The following CPS1 variants were observed in gnomAD, a reference collection of about 807,000 sequenced individuals.
CPS1 encodes the protein carbamoyl-phosphate synthase [ammonia], mitochondrial.
CPS1 carries 109 observed loss-of-function variants against 174.6 expected under a neutral mutation model. That is an observed-to-expected ratio of 0.62 (90% CI 0.53 to 0.73). CPS1 has a LOEUF of 0.73. Ranked by LOEUF, CPS1 falls within the 30% of genes least tolerant of loss-of-function variation. The pLI, the probability that CPS1 is intolerant of heterozygous loss-of-function variation, is 0.00. For synonymous variants in CPS1, 637 were observed against 632.0 expected (o/e 1.01, Z -0.12); for missense variants, 1,689 against 1,821.9 (o/e 0.93, Z 1.33).
At chr2:210,635,452 G>A (rs1700014842) in intron 21 of CPS1, among the ~76,000 whole-genome samples, 1 of 152,182 alleles carries the variant, frequency 6.6e-6, no homozygotes, top group Non-Finnish European at 1.5e-5. Flanking sequence ...AAATTTCTGT[G>A]ATGATGAAAT....
At chr2:210,645,580 A>T (rs1486302251) in intron 25 of CPS1, among the ~76,000 whole-genome samples, 1 of 152,104 alleles carries the variant, frequency 6.6e-6, no homozygotes, top group Non-Finnish European at 1.5e-5. Context: ...AGATCACTTG[A>T]GGCCAGGAGT....
intron 1 of CPS1, among the ~76,000 whole-genome samples, chr2:210,494,422 C>T (rs1694940822): frequency 6.6e-6 from 1 of 152,118 alleles, no homozygotes; most frequent in South Asian, 2.1e-4. Flanking sequence ...CAAAGTTTTA[C>T]AGAACTTGTC....
rs1395096456 is a variant in CPS1 at position 210,612,126 on chromosome 2, A to T, written c.2401A>T (p.Ile801Phe). The stretch of plus-strand genomic sequence containing the variant: ...TAAACATGTATTACAGGTCATGGCT[A>T]TTGGTCGTACCTTTGAGGAGAGTTT... ...SMKSVGEVMA[I>F]GRTFEESFQK... The change falls in exon 20 of 38, where the codon ATT becomes TTT. Residue 801 changes from isoleucine (I) to phenylalanine (F), a missense_variant. Ile to Phe is a conservative substitution (Grantham distance 21, BLOSUM62 0). Coordinates refer to ENST00000233072, the MANE Select transcript of CPS1 (RefSeq NM_001875.5). 2.5e-6 allele frequency: 4 copies of T among 1,611,846 alleles called. No individual in the cohort carries two copies. Among genetic ancestry groups the T allele is most frequent in the Non-Finnish European group, 3.4e-6 (4 of 1,178,606 alleles).
chr2:210,601,403 G>A (rs1574576303), intron 15 of CPS1, among the ~76,000 whole-genome samples: 1 of 151,956 alleles, frequency 6.6e-6, no homozygotes, highest in Non-Finnish European at 1.5e-5. Flanking sequence ...TAGGAATAAA[G>A]CAGGTACTGC....
Position 210,612,825 on chromosome 2 carries a change from G to C in CPS1, c.2568+532G>C, listed in dbSNP as rs534217422. ...GGGTTTTCCATGTAATTATTTTATT[G>C]GTCTTACTTTCAGGAAAAAAGGCCC... On this transcript the variant is annotated intron_variant, in intron 20 of 37. Coordinates refer to ENST00000233072, the MANE Select transcript of CPS1 (RefSeq NM_001875.5). Among the ~76,000 whole-genome samples the C allele has an allele frequency of 1.2e-4, 18 of 151,900 alleles. No homozygotes were observed. In the South Asian group the frequency reaches 3.7e-3, roughly 32 times the overall value.
intron 1 of CPS1, among the ~76,000 whole-genome samples, chr2:210,550,170 T>A (rs904255943): frequency 6.6e-6 from 1 of 151,970 alleles, no homozygotes; most frequent in African/African-American, 2.4e-5. Flanking sequence ...ACCAGAGAAG[T>A]TGTGGTTACT....
At chr2:210,577,545 A>C (rs1450584174) in intron 4 of CPS1, 35 bp downstream of exon 4, 1 of 1,495,086 alleles carries the variant, frequency 6.7e-7, no homozygotes, top group Admixed American at 1.7e-5. Context: ...TCATCACCTA[A>C]GGAAGGTTGA....
In CPS1 at chr2:210,512,616, C is replaced by T. The variant is rs565543110; in HGVS notation, c.3+34850C>T. 6.0e-5 allele frequency among the ~76,000 whole-genome samples: 9 copies of T among 150,306 alleles called. No individual in the cohort carries two copies. In the South Asian group the frequency reaches 1.3e-3, roughly 21 times the overall value. On this transcript the variant is annotated intron_variant, in intron 1 of 38. Transcript: ENST00000430249. ...TTGTTCAATCTACCATTAATGGGCA[C>T]CTAGGTTGATTCCATATCTTTGCTA...
chr2:210,587,944 A>T, intron 6 of CPS1, 114 bp from the exon 7 acceptor site: 1 of 932,628 alleles, frequency 1.1e-6, no homozygotes, highest in African/African-American at 1.6e-5. Flanking sequence ...CCTAGTAGTT[A>T]ACAATCAATC....
At chr2:210,658,761 ATCT>A (rs1338272359) in intron 31 of CPS1, 73 bp downstream of exon 31, 6 of 1,123,304 alleles carry the variant, frequency 5.3e-6, no homozygotes, top group African/African-American at 4.6e-5. Context: ...CTCTCTGGTA[ATCT>A]TCTCTGTGAA....
intron 1 of CPS1, among the ~76,000 whole-genome samples, chr2:210,560,662 GA>G (rs1211415077): frequency 6.6e-6 from 1 of 152,088 alleles, no homozygotes; most frequent in Non-Finnish European, 1.5e-5. Context: ...TTTTCACATA[GA>G]AGTATCTATT....
At chr2:210,677,797 G>T in intron 37 of CPS1, 90 bp from the exon 38 acceptor site, 1 of 1,040,544 alleles carries the variant, frequency 9.6e-7, no homozygotes. Context: ...TTTGAAAACT[G>T]GGGACAGACA....
intron 32 of CPS1, among the ~76,000 whole-genome samples, chr2:210,661,562 T>C (rs189988044): frequency 5.3e-5 from 8 of 152,282 alleles, no homozygotes; most frequent in Non-Finnish European, 7.4e-5. Context: ...TAAGTTGAAG[T>C]TGTGAATTAA....
intron 13 of CPS1, among the ~76,000 whole-genome samples, chr2:210,598,447 A>G (rs886087704): frequency 6.6e-6 from 1 of 151,858 alleles, no homozygotes; most frequent in African/African-American, 2.4e-5. Context: ...ACCCAATGGT[A>G]TGCTGTCTTC....
At chr2:210,535,341 G>A (rs151237142) in intron 1 of CPS1, among the ~76,000 whole-genome samples, 16 of 152,154 alleles carry the variant, frequency 1.1e-4, no homozygotes, top group African/African-American at 3.9e-4. Flanking sequence ...GATTCAATAG[G>A]CTCAATCTCT....
At chr2:210,616,038 A>G (rs1285283841) in intron 20 of CPS1, among the ~76,000 whole-genome samples, 2 of 152,032 alleles carry the variant, frequency 1.3e-5, no homozygotes, top group Non-Finnish European at 2.9e-5. Context: ...AGATCATTAT[A>G]TTAATTCTAG....
At chr2:210,581,541 A>T (rs1453407896) in intron 5 of CPS1, among the ~76,000 whole-genome samples, 1 of 152,182 alleles carries the variant, frequency 6.6e-6, no homozygotes, top group Non-Finnish European at 1.5e-5. Context: ...GAGAACTAAA[A>T]ACCAATTTTC....
intron 31 of CPS1, among the ~76,000 whole-genome samples, chr2:210,659,133 G>A (rs1315546496): frequency 1.3e-5 from 2 of 152,166 alleles, no homozygotes; most frequent in African/African-American, 4.8e-5. Flanking sequence ...TAACTAATCG[G>A]TAACTGCCTT....
intron 1 of CPS1, among the ~76,000 whole-genome samples, chr2:210,499,583 G>A (rs576132999): frequency 6.6e-6 from 1 of 152,178 alleles, no homozygotes; most frequent in Non-Finnish European, 1.5e-5. Flanking sequence ...GTATGCACTC[G>A]GGTTAAAAAC....
Sources: gnomAD v4.1 joint callset for allele counts (sites outside exome capture counted in the v4.1 genomes callset) on GRCh38, gnomAD v4.1.1 for gene constraint, MANE v1.5 for transcripts, NCBI Gene and HGNC (gene_info 2026-07-23, HGNC 2026-07-21) for gene names.